Variants in DLEC1 observed in about 807,000 individuals in gnomAD.
The protein encoded by DLEC1 is DLEC1 cilia and flagella associated protein.
A neutral mutation model predicts 198.1 loss-of-function variants in DLEC1; 146 were observed. The ratio of observed to expected loss-of-function variants is 0.74; its 90% CI spans 0.64 to 0.85. The LOEUF is 0.85. DLEC1 is among the 40% of genes least tolerant of loss of function. The pLI is 0.00. For synonymous variants in DLEC1, 897 were observed against 866.8 expected (o/e 1.03, Z -0.61); for missense variants, 2,233 against 2,220.0 (o/e 1.01, Z -0.12).
chr3:38,116,413 C>T (rs1229795251), intron 27 of DLEC1, 40 bp from the exon 28 acceptor site: 3 of 1,609,702 alleles, frequency 1.9e-6, no homozygotes, highest in East Asian at 2.2e-5. Flanking sequence ...GTTGTCTGCT[C>T]CTCCCTTATT....
chr3:38,066,423 A>G (rs1035902694), intron 6 of DLEC1, among the ~76,000 whole-genome samples: 1 of 152,136 alleles, frequency 6.6e-6, no homozygotes, highest in Non-Finnish European at 1.5e-5. Flanking sequence ...ATAGGTAACT[A>G]TTTCTATTAG....
intron 27 of DLEC1, among the ~76,000 whole-genome samples, chr3:38,115,542 A>C (rs1302215265): frequency 6.6e-6 from 1 of 152,218 alleles, no homozygotes; most frequent in East Asian, 1.9e-4. Flanking sequence ...CCAGGGGAGC[A>C]TGTGGGGGCA....
rs754410789 is a variant in DLEC1, at chr3:38,121,758, G to C, written c.4997G>C (p.Arg1666Pro). Residue 1666 changes from arginine to proline, a missense_variant, in exon 35 of 37, where the codon CGA becomes CCA. Arg to Pro is a moderately radical substitution (Grantham distance 103). Transcript: ENST00000308059. Reference sequence around the variant, plus strand: ...TACCTGATGAACCTGAGCGGGTGCCGAAGCTACTGGACTATGCTGATGGGT... The same window carrying C: ...TACCTGATGAACCTGAGCGGGTGCCCAAGCTACTGGACTATGCTGATGGGT... Reference protein sequence around the residue: ...EVYLMNLSGCRSYWTMLMGQQ... With the variant: ...EVYLMNLSGCPSYWTMLMGQQ... 1.1e-5 allele frequency: 17 copies of C among 1,613,858 alleles called. No individual in the cohort carries two copies. The highest frequency in any genetic ancestry group is 1.4e-5 in the Non-Finnish European group (16 of 1,179,926).
chr3:38,073,421 GT>G (rs776358997), intron 6 of DLEC1, among the ~76,000 whole-genome samples: 9 of 152,140 alleles, frequency 5.9e-5, no homozygotes, highest in Non-Finnish European at 1.3e-4. Context: ...TTGGCATTGA[GT>G]GGGGTAAGGG....
chr3:38,045,553 T>A lies in DLEC1; in HGVS notation c.422T>A (p.Leu141His), dbSNP rs754101978. 5.3e-5 allele frequency: 85 copies of A among 1,613,082 alleles called. No individual in the cohort carries two copies. The highest frequency in any genetic ancestry group is 7.1e-5 in the Non-Finnish European group (84 of 1,179,680). ...TCATCCCCCTGCCAGATTCGGGAGC[T>A]CTATAAGCAGCGGCTGGATGAGTTT... ...FVDQLQQIRE[L>H]YKQRLDEFEM... Residue 141 changes from leucine (L) to histidine (H), a missense_variant, in exon 2 of 37, where the codon CTC becomes CAC. Physicochemically the swap from Leu to His is moderately conservative, Grantham distance 99. Transcript: ENST00000308059.
intron 32 of DLEC1, 41 bp from the exon 33 acceptor site, chr3:38,117,765 A>C (rs1700259131): frequency 3.2e-6 from 5 of 1,568,452 alleles, no homozygotes; most frequent in Non-Finnish European, 4.4e-6. Flanking sequence ...GAAGAGAGAG[A>C]CAAGATGCAT....
intron 23 of DLEC1, among the ~76,000 whole-genome samples, chr3:38,111,302 G>A (rs971294463): frequency 2.0e-5 from 3 of 152,168 alleles, no homozygotes; most frequent in African/African-American, 7.2e-5. Flanking sequence ...AGGAAAAACT[G>A]GAAATGGGCC....
chr3:38,092,879 A>G lies in DLEC1; in HGVS notation c.1755A>G (p.Ile585Met), dbSNP rs528790534. The change falls in exon 11 of 37, where the codon ATA (isoleucine) becomes ATG (methionine). Residue 585 changes from isoleucine (I) to methionine (M), a missense_variant and splice_region_variant. Ile to Met is a conservative substitution (Grantham distance 10). Coordinates refer to ENST00000308059, the MANE Select transcript of DLEC1 (RefSeq NM_007335.4). ...DNCQIKELVT[I>M]GIGQLIALDL... ...GCCAGATAAAGGAGCTGGTGACCAT[A>G]GGTGGGCTTGAGTGTACTCCCAGGG... 3 of 1,614,174 alleles carry G rather than the reference A, an allele frequency of 1.9e-6. No homozygotes were observed. The African/African-American group carries it at 4.0e-5, about 22-fold the overall frequency.
At chr3:38,047,095 A>G (rs1700918711) in intron 2 of DLEC1, among the ~76,000 whole-genome samples, 1 of 152,190 alleles carries the variant, frequency 6.6e-6, no homozygotes, top group African/African-American at 2.4e-5. Context: ...GTCTGCCAGG[A>G]TTTTCTGCAT....
intron 27 of DLEC1, 102 bp downstream of exon 27, chr3:38,115,155 C>G (rs1469405570): frequency 1.6e-6 from 2 of 1,289,596 alleles, no homozygotes; most frequent in East Asian, 4.8e-5. Flanking sequence ...GGCCCATGAA[C>G]AGGACCCAGG....
chr3:38,084,343 T>C lies in DLEC1; in HGVS notation c.1261+98T>C, dbSNP rs961883216. 1.8e-5 allele frequency: 19 copies of C among 1,069,046 alleles called. No individual in the cohort carries two copies. The South Asian group carries it at 2.4e-4, about 13-fold the overall frequency. 66.2% of individuals were successfully genotyped at this position (1,069,046 alleles called of 1,614,324 possible). A position where few individuals can be genotyped will look rare whatever the true frequency, so the allele number is the denominator to read the frequency against. On this transcript the variant is annotated intron_variant, in intron 7 of 36. Coordinates refer to ENST00000308059, the MANE Select transcript of DLEC1 (RefSeq NM_007335.4). ...GTGGTGGTAGTAATGGTAGCAATGA[T>C]AGTAGTAGTGGTGGTGGTAGTAGTA...
chr3:38,097,890 A>G lies in DLEC1; in HGVS notation c.2712A>G (p.Glu904=), dbSNP rs1282499084. The G allele has an allele frequency of 1.2e-6, 2 of 1,614,082 alleles. No homozygotes were observed. Among genetic ancestry groups the G allele is most frequent in the African/African-American group, 2.7e-5 (2 of 74,942 alleles). ...RMKESPVSLQ[E]RPEDVSPFDI... ...AGGAGAGCCCAGTCTCCCTCCAGGA[A>G]AGGCCTGAGGATGTAAGTCAGGCAC... Residue 904 remains glutamate, a synonymous_variant, in exon 18 of 37, where the codon GAA becomes GAG. Transcript: ENST00000308059.
chr3:38,061,493 A>G (rs1395429489), intron 3 of DLEC1, among the ~76,000 whole-genome samples: 1 of 152,012 alleles, frequency 6.6e-6, no homozygotes, highest in African/African-American at 2.4e-5. Flanking sequence ...GGGGTGGGGG[A>G]TGATCTTAAC....
In DLEC1 at chr3:38,123,031, C is replaced by T. The variant is rs765184244; in HGVS notation, c.*619C>T. On this transcript the variant is annotated 3_prime_UTR_variant, in exon 37 of 37. Transcript: ENST00000308059. ...AGCAGGACTGTCTGCGTAGCGCCTC[C>T]AGCCTGGGACCTCACTCAGTTCCCA... is the stretch of plus-strand genomic sequence containing the variant. The T allele has an allele frequency of 6.2e-7, 1 of 1,613,838 alleles. No individual in the cohort carries two copies. Among genetic ancestry groups the T allele is most frequent in the Non-Finnish European group, 8.5e-7 (1 of 1,179,806 alleles).
In DLEC1 at chr3:38,122,563, T is replaced by C. The variant is rs1193265098; in HGVS notation, c.*151T>C. 1 of 1,604,406 alleles carries C rather than the reference T, an allele frequency of 6.2e-7. No homozygotes were observed. Among genetic ancestry groups the C allele is most frequent in the Non-Finnish European group, 8.5e-7 (1 of 1,177,416 alleles). ...ATGGAAGAACCCCCTTCCACAATGGTCTCAGCCTAGGCCCTCATGATATGT... is the reference window on the plus strand; with the variant it reads ...ATGGAAGAACCCCCTTCCACAATGGCCTCAGCCTAGGCCCTCATGATATGT... On this transcript the variant is annotated 3_prime_UTR_variant, in exon 37 of 37. Transcript: ENST00000308059.
Position 38,097,903 on chromosome 3 carries a change from G to T in DLEC1, c.2724+1G>T. ...CTCCCTCCAGGAAAGGCCTGAGGAT[G>T]TAAGTCAGGCACTGCTGGTTCCTCT... On this transcript the variant is annotated splice_donor_variant, in intron 18 of 36. Transcript: ENST00000308059. LOFTEE classifies it high-confidence loss of function. 6.2e-7 allele frequency: 1 copy of T among 1,614,216 alleles called. No individual in the cohort carries two copies. The highest frequency in any genetic ancestry group is 8.5e-7 in the Non-Finnish European group (1 of 1,180,028).
In DLEC1 at chr3:38,111,880, A is replaced by G. The variant is rs568011434; in HGVS notation, c.3514+133A>G. 2.8e-5 allele frequency: 28 copies of G among 1,002,760 alleles called. No homozygotes were observed. In the African/African-American group the frequency reaches 3.4e-4, roughly 12 times the overall value. The allele number at this position is 1,002,760 out of a possible 1,614,324, so 62.1% of individuals were successfully genotyped here. A position where few individuals can be genotyped will look rare whatever the true frequency, so the allele number is the denominator to read the frequency against. ...TGCTCTCAGATGGCCAAGGCGCTCC[A>G]CCTGACAATGCCTCTTCCTGTTGAG... On this transcript the variant is annotated intron_variant, in intron 24 of 36. Transcript: ENST00000308059.
intron 12 of DLEC1, among the ~76,000 whole-genome samples, chr3:38,094,077 G>A (rs1226836992): frequency 6.6e-6 from 1 of 152,192 alleles, no homozygotes; most frequent in Non-Finnish European, 1.5e-5. Flanking sequence ...CCTTCAGGAA[G>A]TTATGTTAGA....
chr3:38,095,612 G>A (rs371567577), intron 13 of DLEC1: 13 of 453,334 alleles, frequency 2.9e-5, no homozygotes, highest in African/African-American at 5.9e-5. Flanking sequence ...GTGGTGCTTC[G>A]GACACGTTGA....
Sources: allele counts gnomAD v4.1 joint callset (sites outside exome capture counted in the v4.1 genomes callset), GRCh38; gene constraint gnomAD v4.1.1; transcripts MANE v1.5; gene names NCBI Gene and HGNC (gene_info 2026-07-23, HGNC 2026-07-21).